The following CCBE1 variants were observed in gnomAD, a reference collection of about 807,000 sequenced individuals.
CCBE1 encodes the protein collagen and calcium-binding EGF domain-containing protein 1.
Under a neutral mutation model 50.0 loss-of-function variants are expected in CCBE1, and 37 were observed. That is an observed-to-expected ratio of 0.74 (90% CI 0.57 to 0.97). The LOEUF (loss-of-function observed/expected upper bound fraction) is 0.97, where lower values mean the gene tolerates loss of function less well. CCBE1 is among the 50% of genes least tolerant of loss of function. The pLI, the probability that CCBE1 is intolerant of heterozygous loss-of-function variation, is 0.00. For missense variants in CCBE1, 538 were observed against 523.8 expected (o/e 1.03, Z -0.26); for synonymous variants, 234 against 203.7 (o/e 1.15, Z -1.27).
intron 2 of CCBE1, among the ~76,000 whole-genome samples, chr18:59,690,282 G>C (rs766515501): frequency 1.3e-5 from 2 of 152,172 alleles, no homozygotes; most frequent in Non-Finnish European, 2.9e-5. Flanking sequence ...TGAGTCAATA[G>C]CTTCGCAGAA....
intron 6 of CCBE1, 125 bp from the exon 7 acceptor site, chr18:59,448,228 A>G: frequency 7.3e-7 from 1 of 1,368,024 alleles, no homozygotes; most frequent in Non-Finnish European, 1.0e-6. Context: ...TACTAGAGCT[A>G]GTTAGAGCTC....
At chr18:59,627,636 C>T (rs961577948) in intron 2 of CCBE1, among the ~76,000 whole-genome samples, 10 of 152,112 alleles carry the variant, frequency 6.6e-5, no homozygotes, top group African/African-American at 2.4e-4. Context: ...AGAAAGAATT[C>T]CATGTGACAG....
intron 10 of CCBE1, among the ~76,000 whole-genome samples, chr18:59,436,735 G>A (rs145232365): frequency 2.6e-5 from 4 of 152,222 alleles, no homozygotes; most frequent in South Asian, 2.1e-4. Flanking sequence ...TTGGGAGGCC[G>A]AGGTGGATGG....
At chr18:59,615,718 T>G (rs1218663622) in intron 2 of CCBE1, among the ~76,000 whole-genome samples, 1 of 152,172 alleles carries the variant, frequency 6.6e-6, no homozygotes, top group East Asian at 1.9e-4. Flanking sequence ...ATTTCTTTTG[T>G]CTGCTCTCCA....
chr18:59,693,476 T>TA (rs1275871444), intron 2 of CCBE1, among the ~76,000 whole-genome samples: 1 of 152,044 alleles, frequency 6.6e-6, no homozygotes, highest in African/African-American at 2.4e-5. Flanking sequence ...GTGAACACTT[T>TA]AAAAAAGGGG....
intron 2 of CCBE1, among the ~76,000 whole-genome samples, chr18:59,488,531 G>A (rs958729070): frequency 2.0e-5 from 3 of 152,144 alleles, no homozygotes; most frequent in African/African-American, 7.2e-5. Context: ...CAACCAGAAG[G>A]TACTCATTCC....
chr18:59,547,872 G>A (rs73961234), intron 2 of CCBE1, among the ~76,000 whole-genome samples: 1,924 of 152,268 alleles, frequency 0.013, 37 homozygotes, highest in South Asian at 0.042. Flanking sequence ...GGAGAAAACC[G>A]AGATCATCCT....
intron 2 of CCBE1, among the ~76,000 whole-genome samples, chr18:59,565,889 T>C (rs1012644597): frequency 2.6e-5 from 4 of 151,998 alleles, no homozygotes; most frequent in African/African-American, 9.7e-5. Flanking sequence ...CATAAAATAG[T>C]CTCAGGTGCA....
chr18:59,613,974 T>C (rs776700135), intron 2 of CCBE1, among the ~76,000 whole-genome samples: 1 of 146,448 alleles, frequency 6.8e-6, no homozygotes, highest in Non-Finnish European at 1.5e-5. Flanking sequence ...CCCTGGTCCA[T>C]GCGATTCTCG....
intron 2 of CCBE1, among the ~76,000 whole-genome samples, chr18:59,633,195 C>T (rs750529679): frequency 6.6e-6 from 1 of 152,114 alleles, no homozygotes; most frequent in Admixed American, 6.5e-5. Flanking sequence ...TGAAGCACCA[C>T]ACAAGTATTT....
rs145548371 is a variant in CCBE1 at position 59,677,462 on chromosome 18, G to C, written c.212+19167C>G. On this transcript the variant is annotated intron_variant, in intron 2 of 10. Transcript: ENST00000439986. Reference sequence around the variant, plus strand: ...AGACATCCAAGCAAAGATCAAGTAGGCAACTGGATATGTGAATTGCTGAGG... The same window carrying C: ...AGACATCCAAGCAAAGATCAAGTAGCCAACTGGATATGTGAATTGCTGAGG... 1.3e-3 allele frequency among the ~76,000 whole-genome samples: 203 copies of C among 152,146 alleles called. 1 individual carries two copies. The highest frequency in any genetic ancestry group is 4.8e-3 in the African/African-American group (198 of 41,496).
At chr18:59,648,532 C>T (rs1295473041) in intron 2 of CCBE1, among the ~76,000 whole-genome samples, 1 of 152,132 alleles carries the variant, frequency 6.6e-6, no homozygotes, top group East Asian at 1.9e-4. Context: ...TGGAGAAAAC[C>T]CCATCTTTAC....
chr18:59,630,551 G>A (rs1163540572), intron 2 of CCBE1, among the ~76,000 whole-genome samples: 1 of 150,054 alleles, frequency 6.7e-6, no homozygotes, highest in Non-Finnish European at 1.5e-5. Flanking sequence ...CACTTAACTG[G>A]CAGATGGGCT....
chr18:59,538,849 T>C (rs542474458), intron 2 of CCBE1, among the ~76,000 whole-genome samples: 1 of 152,268 alleles, frequency 6.6e-6, no homozygotes, highest in Non-Finnish European at 1.5e-5. Context: ...CCAGCAGATA[T>C]GGCAAGGTGA....
At chr18:59,560,855 G>A (rs576056334) in intron 2 of CCBE1, among the ~76,000 whole-genome samples, 21 of 152,172 alleles carry the variant, frequency 1.4e-4, no homozygotes, top group Non-Finnish European at 2.6e-4. Flanking sequence ...AGTGAAGTGG[G>A]GCACCTACTT....
intron 2 of CCBE1, among the ~76,000 whole-genome samples, chr18:59,549,667 G>A (rs1217502831): frequency 1.3e-5 from 2 of 152,132 alleles, no homozygotes; most frequent in African/African-American, 4.8e-5. Context: ...TGATGAACAG[G>A]CAGGCCCAGC....
intron 2 of CCBE1, among the ~76,000 whole-genome samples, chr18:59,690,814 C>T (rs1344461229): frequency 6.6e-6 from 1 of 152,216 alleles, no homozygotes; most frequent in Non-Finnish European, 1.5e-5. Context: ...GGGGGACCCC[C>T]TTTAAAACCT....
At chr18:59,688,866 G>C (rs964699933) in intron 2 of CCBE1, among the ~76,000 whole-genome samples, 1 of 152,122 alleles carries the variant, frequency 6.6e-6, no homozygotes, top group African/African-American at 2.4e-5. Flanking sequence ...AGATGAAGAT[G>C]AGTAAGTGAC....
chr18:59,481,776 T>C (rs1216990994), intron 2 of CCBE1, among the ~76,000 whole-genome samples: 1 of 152,042 alleles, frequency 6.6e-6, no homozygotes. Flanking sequence ...AAACTAAAAA[T>C]TCATTACCAG....
Sources: gnomAD v4.1 joint callset for allele counts (sites outside exome capture counted in the v4.1 genomes callset) on GRCh38, gnomAD v4.1.1 for gene constraint, MANE v1.5 for transcripts, NCBI Gene and HGNC (gene_info 2026-07-23, HGNC 2026-07-21) for gene names.